The following TMEM44 variants were observed in gnomAD, a reference collection of about 807,000 sequenced individuals.
The protein encoded by TMEM44 is transmembrane protein 44.
Under a neutral mutation model 47.8 loss-of-function variants are expected in TMEM44, and 43 were observed. That is an observed-to-expected ratio of 0.90 (90% CI 0.70 to 1.16). The LOEUF (loss-of-function observed/expected upper bound fraction) is 1.16. Among genes scored for constraint, TMEM44 ranks in the 50% most tolerant of loss-of-function variants. TMEM44 has a pLI of 0.00. For missense variants in TMEM44, 568 were observed against 555.2 expected (o/e 1.02, Z -0.23); for synonymous variants, 277 against 238.8 (o/e 1.16, Z -1.48).
intron 1 of TMEM44, 63 bp downstream of exon 1, chr3:194,633,016 G>T (rs1441362091): frequency 7.2e-6 from 11 of 1,519,630 alleles, no homozygotes; most frequent in African/African-American, 2.8e-5. Flanking sequence ...TTCCGAGAGG[G>T]AGCAGCAGGG....
At position 194,623,665 on chromosome 3, in the gene TMEM44, C is replaced by T. The variant is rs755616210; in HGVS notation, c.389G>A (p.Arg130Gln). 23 of 1,613,618 alleles carry T rather than the reference C, an allele frequency of 1.4e-5. No homozygotes were observed. The highest frequency in any genetic ancestry group is 1.7e-5 in the Non-Finnish European group (20 of 1,180,000). The part of the protein sequence containing the change: ...DREARERKRR[R>Q]QLRASVFALA... Reference sequence around the variant, plus strand: ...GGCAAACACACTGGCCCTGAGCTGCCGCCTCCTCTTCCTCTCTCGGGCTTC... The same window carrying T: ...GGCAAACACACTGGCCCTGAGCTGCTGCCTCCTCTTCCTCTCTCGGGCTTC... The change falls in exon 4 of 10, where the codon CGG (arginine) becomes CAG (glutamine). Residue 130 changes from arginine to glutamine, a missense_variant. Transcript: ENST00000347147.
chr3:194,623,009 C>T, intron 5 of TMEM44: 1 of 478,784 alleles, frequency 2.1e-6, no homozygotes, highest in Admixed American at 4.3e-5. Context: ...CCGAGAGGCT[C>T]CCGCCGTCCT....
intron 2 of TMEM44, among the ~76,000 whole-genome samples, chr3:194,626,496 C>T (rs377216568): frequency 1.3e-5 from 2 of 152,144 alleles, no homozygotes; most frequent in African/African-American, 4.8e-5. Flanking sequence ...CGGTGAAGAA[C>T]TTGCATTGTG....
rs1202509422 is a variant in TMEM44, at chr3:194,587,866, C to T, written c.*663G>A. The stretch of plus-strand genomic sequence containing the variant: ...GTTAGTTCCTGAAGCATACAGCCCC[C>T]TCACCTGCAAGCCCCGCCTCAGCGC... On this transcript the variant is annotated 3_prime_UTR_variant, in exon 10 of 10. Coordinates refer to ENST00000347147, the MANE Select transcript of TMEM44 (RefSeq NM_001011655.3). The T allele has an allele frequency of 1.3e-5, 2 of 152,466 alleles. No individual in the cohort carries two copies. Among genetic ancestry groups the T allele is most frequent in the Non-Finnish European group, 2.9e-5 (2 of 68,238 alleles). 9.4% of individuals were successfully genotyped at this position (152,466 alleles called of 1,614,324 possible). A position where few individuals can be genotyped will look rare whatever the true frequency, so the allele number is the denominator to read the frequency against.
In TMEM44 at chr3:194,617,209, C is replaced by G. The variant is rs1315520396; in HGVS notation, c.673G>C (p.Gly225Arg). The G allele has an allele frequency of 6.4e-7, 1 of 1,552,504 alleles. No individual in the cohort carries two copies. Among genetic ancestry groups the G allele is most frequent in the Non-Finnish European group, 8.7e-7 (1 of 1,147,930 alleles). Residue 225 changes from glycine to arginine, a missense_variant, in exon 6 of 10, where the codon GGC becomes CGC. Physicochemically the swap from Gly to Arg is moderately radical, Grantham distance 125. Coordinates refer to ENST00000347147, the MANE Select transcript of TMEM44 (RefSeq NM_001011655.3). ...ACAATGGCCGAGGCATAGAGGAGGCCAGCCAGGGCCGACAGGAGCCGGGTC... is the reference window on the plus strand; with the variant it reads ...ACAATGGCCGAGGCATAGAGGAGGCGAGCCAGGGCCGACAGGAGCCGGGTC... ...LWTRLLSALA[G>R]LLYASAIVAH... is the part of the protein sequence containing the mutation.
In TMEM44 at chr3:194,605,334, CT is replaced by C. The variant is rs537908302; in HGVS notation, c.1018-890del. ...GACACGTGACAGAGCAGACAACCTG[CT>C]TTCCAGACCAGCATCTTCCACTAAT... On this transcript the variant is annotated intron_variant, in intron 8 of 9. Transcript: ENST00000347147. 2.0e-3 allele frequency among the ~76,000 whole-genome samples: 300 copies of C among 152,356 alleles called. 3 individuals are homozygous for C. Among genetic ancestry groups the C allele is most frequent in the Admixed American group, 7.6e-3 (116 of 15,304 alleles).
intron 8 of TMEM44, among the ~76,000 whole-genome samples, chr3:194,610,349 A>C (rs1489037646): frequency 6.6e-6 from 1 of 152,098 alleles, no homozygotes; most frequent in Non-Finnish European, 1.5e-5. Flanking sequence ...TCTTTAGCAT[A>C]TGGATTCCTT....
In TMEM44 at chr3:194,587,758, A is replaced by AT. The variant is rs1286473297; in HGVS notation, c.*770dup. 6.6e-6 allele frequency: 1 copy of AT among 152,190 alleles called. No individual in the cohort carries two copies. The highest frequency in any genetic ancestry group is 1.9e-4 in the East Asian group (1 of 5,188). The allele number at this position is 152,190 out of a possible 1,614,324, so 9.4% of individuals were successfully genotyped here. On this transcript the variant is annotated 3_prime_UTR_variant, in exon 10 of 10. Coordinates refer to ENST00000347147, the MANE Select transcript of TMEM44 (RefSeq NM_001011655.3). Reference sequence around the variant, plus strand: ...ATTCCATGCGCCCTTACCCTTACTCATCGCAGTATCAAAATAACTCCCAAA... The same window carrying AT: ...ATTCCATGCGCCCTTACCCTTACTCATTCGCAGTATCAAAATAACTCCCAAA...
In TMEM44 at chr3:194,626,009, A is replaced by C. The variant is rs760564236; in HGVS notation, c.265-19T>G. ...TGAAAACCTGGGAGCAAACGGGAAG[A>C]GAGTCTTGGCATTCAAGCATCTTTC... On this transcript the variant is annotated intron_variant, in intron 2 of 9. Coordinates refer to ENST00000347147, the MANE Select transcript of TMEM44 (RefSeq NM_001011655.3). 1.3e-6 allele frequency: 2 copies of C among 1,583,084 alleles called. No homozygotes were observed. The highest frequency in any genetic ancestry group is 3.3e-5 in the Admixed American group (2 of 59,950).
In TMEM44 at chr3:194,633,387, G is replaced by A. The variant is rs1718047584; in HGVS notation, c.-172C>T. ...AGAGAAGGGCGCGCTCCCGGGCGCG[G>A]GCGGCGGCGGCGAAGGCGCCGGGGA... On this transcript the variant is annotated 5_prime_UTR_variant, in exon 1 of 10. Transcript: ENST00000347147. 1 of 192,920 alleles carries A rather than the reference G, an allele frequency of 5.2e-6. No homozygotes were observed. The highest frequency in any genetic ancestry group is 2.4e-5 in the African/African-American group (1 of 42,070). The allele number at this position is 192,920 out of a possible 1,614,324, so 12.0% of individuals were successfully genotyped here.
intron 9 of TMEM44, among the ~76,000 whole-genome samples, chr3:194,591,008 A>G (rs1712611991): frequency 6.6e-6 from 1 of 152,100 alleles, no homozygotes; most frequent in South Asian, 2.1e-4. Context: ...AGCCTGGCCA[A>G]CATGGTGAAA....
chr3:194,625,923 C>A lies in TMEM44; in HGVS notation c.332G>T (p.Cys111Phe), dbSNP rs752483693. The A allele has an allele frequency of 1.2e-5, 19 of 1,613,674 alleles. No homozygotes were observed. The South Asian group carries it at 2.1e-4, about 18-fold the overall frequency. Reference protein sequence around the residue: ...VNFMFILFPVCGSKFKSNSDR... With the variant: ...VNFMFILFPVFGSKFKSNSDR... ...TGAATTAGACTTGAATTTGGATCCACAGACTGGGAAGAGAATGAACATAAA... is the reference window on the plus strand; with the variant it reads ...TGAATTAGACTTGAATTTGGATCCAAAGACTGGGAAGAGAATGAACATAAA... Residue 111 changes from cysteine to phenylalanine, a missense_variant, in exon 3 of 10, where the codon TGT becomes TTT. Cys to Phe is a radical substitution (Grantham distance 205). Transcript: ENST00000347147.
At position 194,618,442 on chromosome 3, in the gene TMEM44, A is replaced by C. The variant is rs374416080; in HGVS notation, c.613-1173T>G. ...TGAATAAAAATTGTAAATAGTTTAT[A>C]TTAAACTCATTAGATGAGTTATATA... On this transcript the variant is annotated intron_variant, in intron 5 of 9. Coordinates refer to ENST00000347147, the MANE Select transcript of TMEM44 (RefSeq NM_001011655.3). 4.5e-4 allele frequency among the ~76,000 whole-genome samples: 67 copies of C among 149,926 alleles called. No individual in the cohort carries two copies. The East Asian group carries it at 0.012, about 27-fold the overall frequency.
At chr3:194,594,791 G>A (rs543839629) in intron 9 of TMEM44, among the ~76,000 whole-genome samples, 1 of 152,122 alleles carries the variant, frequency 6.6e-6, no homozygotes, top group Non-Finnish European at 1.5e-5. Flanking sequence ...AAATAGGCTC[G>A]AGTCTCCCAG....
At position 194,614,501 on chromosome 3, in the gene TMEM44, T is replaced by A. The variant is rs552382203; in HGVS notation, c.912+1068A>T. 3.9e-5 allele frequency among the ~76,000 whole-genome samples: 6 copies of A among 152,308 alleles called. No homozygotes were observed. The East Asian group carries it at 1.2e-3, about 29-fold the overall frequency. Reference sequence around the variant, plus strand: ...CTCACTGCAACCTCTGCCTCCAGGATCAAGAGATCCTCCTGCCTCAGCCTC... The same window carrying A: ...CTCACTGCAACCTCTGCCTCCAGGAACAAGAGATCCTCCTGCCTCAGCCTC... On this transcript the variant is annotated intron_variant, in intron 7 of 9. Coordinates refer to ENST00000347147, the MANE Select transcript of TMEM44 (RefSeq NM_001011655.3).
intron 1 of TMEM44, among the ~76,000 whole-genome samples, chr3:194,630,125 C>A (rs1210380483): frequency 9.2e-6 from 1 of 108,300 alleles, no homozygotes; most frequent in Non-Finnish European, 1.8e-5. Flanking sequence ...ACTGATAGGG[C>A]CCCTGAAATA....
rs540688273 is a variant in TMEM44 at position 194,589,093 on chromosome 3, A to G, written c.1177-454T>C. On this transcript the variant is annotated intron_variant, in intron 9 of 9. Transcript: ENST00000347147. ...TAGCTCACTGCTGCCTCAAACTCCT[A>G]GACTCAAGCAATCCTCCTGCTTCAG... 254 of 166,110 alleles carry G rather than the reference A, an allele frequency of 1.5e-3. 1 individual carries two copies. Among genetic ancestry groups the G allele is most frequent in the Non-Finnish European group, 2.7e-3 (205 of 76,672 alleles). 10.3% of individuals were successfully genotyped at this position (166,110 alleles called of 1,614,324 possible).
In TMEM44 at chr3:194,588,966, C is replaced by T. The variant is rs1431404120; in HGVS notation, c.1177-327G>A. The T allele has an allele frequency of 1.1e-5, 3 of 281,666 alleles. No homozygotes were observed. The East Asian group carries it at 2.6e-4, about 24-fold the overall frequency. The allele number at this position is 281,666 out of a possible 1,614,324, so 17.4% of individuals were successfully genotyped here. ...TGTTCTCCTTATCCTGACTCCATGC[C>T]TAACTCATTCCTGGAAAAAACCAGG... is the stretch of plus-strand genomic sequence containing the variant. On this transcript the variant is annotated intron_variant, in intron 9 of 9. Transcript: ENST00000347147.
intron 9 of TMEM44, among the ~76,000 whole-genome samples, chr3:194,593,908 T>C (rs1183184552): frequency 6.6e-6 from 1 of 152,180 alleles, no homozygotes. Context: ...TCTCCTGGGC[T>C]CAACTGATCT....
Sources: allele counts gnomAD v4.1 joint callset (sites outside exome capture counted in the v4.1 genomes callset), GRCh38; gene constraint gnomAD v4.1.1; transcripts MANE v1.5; gene names NCBI Gene and HGNC (gene_info 2026-07-23, HGNC 2026-07-21).